Variants in GTF2F1 observed in about 807,000 individuals in gnomAD.
GTF2F1 encodes the protein general transcription factor IIF 74 kDa subunit.
Under a neutral mutation model 63.5 loss-of-function variants are expected in GTF2F1, and 39 were observed. The ratio of observed to expected loss-of-function variants is 0.61; its 90% CI spans 0.48 to 0.80. The LOEUF is 0.80. Ranked by LOEUF, GTF2F1 falls within the 30% of genes least tolerant of loss-of-function variation. The pLI is 0.00. For synonymous variants in GTF2F1, 287 were observed against 285.3 expected, an observed-to-expected ratio of 1.01 and a Z score of -0.06; for missense variants, 657 against 718.3, an observed-to-expected ratio of 0.91 and a Z score of 0.97.
intron 6 of GTF2F1, among the ~76,000 whole-genome samples, chr19:6,382,817 A>G (rs1281337616): frequency 2.6e-5 from 4 of 151,244 alleles, no homozygotes; most frequent in Admixed American, 1.3e-4. Flanking sequence ...AAAAAAAAAA[A>G]AAGAAGGGCC....
In GTF2F1 at chr19:6,381,540, C is replaced by T; in HGVS notation, c.898+14G>A. 6.2e-7 allele frequency: 1 copy of T among 1,612,196 alleles called. No individual in the cohort carries two copies. The highest frequency in any genetic ancestry group is 8.5e-7 in the Non-Finnish European group (1 of 1,179,986). ...ACCGCCCCCATCTCCCCGGCCCGCC[C>T]AGCCATCGCCTACCCTTGGGCCCCT... On this transcript the variant is annotated intron_variant, in intron 8 of 12. Transcript: ENST00000394456. This position sits in a 1 kb window ranked among gnomAD's most constrained non-coding sequence, Gnocchi z 4.1.
In GTF2F1 at chr19:6,380,813, G is replaced by T; in HGVS notation, c.1231+91C>A. ...ATCAGGGAGAGACAGGCCTCCACCCGCATCTCCATCCCCTCTCTGTCCTGA... is the reference window on the plus strand; with the variant it reads ...ATCAGGGAGAGACAGGCCTCCACCCTCATCTCCATCCCCTCTCTGTCCTGA... On this transcript the variant is annotated intron_variant, in intron 11 of 12. Transcript: ENST00000394456. This position sits in a 1 kb window ranked among gnomAD's most constrained non-coding sequence, Gnocchi z 5.3. 1 of 1,493,786 alleles carries T rather than the reference G, an allele frequency of 6.7e-7. No homozygotes were observed. Among genetic ancestry groups the T allele is most frequent in the Non-Finnish European group, 9.0e-7 (1 of 1,111,506 alleles). 92.5% of individuals were successfully genotyped at this position (1,493,786 alleles called of 1,614,324 possible). A position where few individuals can be genotyped will look rare whatever the true frequency, so the allele number is the denominator to read the frequency against.
chr19:6,392,172 TAATTC>T, intron 2 of GTF2F1, 198 bp from the exon 3 acceptor site: 1 of 638,032 alleles, frequency 1.6e-6, no homozygotes, highest in South Asian at 1.5e-5. Context: ...ATTGAATCAT[TAATTC>T]AATTCAATTC....
intron 3 of GTF2F1, among the ~76,000 whole-genome samples, chr19:6,389,895 G>A (rs1260200461): frequency 2.0e-5 from 3 of 152,152 alleles, no homozygotes. Context: ...AGACCACCTG[G>A]TGACCATCAA....
Position 6,392,980 on chromosome 19 carries a change from T to G in GTF2F1, c.12+4A>C. The G allele has an allele frequency of 6.2e-7, 1 of 1,614,040 alleles. No homozygotes were observed. Among genetic ancestry groups the G allele is most frequent in the Non-Finnish European group, 8.5e-7 (1 of 1,180,008 alleles). On this transcript the variant is annotated splice_donor_region_variant and intron_variant, in intron 1 of 12. Coordinates refer to ENST00000394456, the MANE Select transcript of GTF2F1 (RefSeq NM_002096.3). ...CCCCCGAACCCCGCCAAATCCACAC[T>G]CACTAGGGCCGCCATGGGCAATGGT...
Position 6,380,272 on chromosome 19 carries a change from G to C in GTF2F1, c.*9C>G, listed in dbSNP as rs1464191361. The C allele has an allele frequency of 6.2e-7, 1 of 1,611,288 alleles. No homozygotes were observed. Among genetic ancestry groups the C allele is most frequent in the South Asian group, 1.1e-5 (1 of 91,010 alleles). On this transcript the variant is annotated 3_prime_UTR_variant, in exon 13 of 13. Transcript: ENST00000394456. This position sits in a 1 kb window ranked among gnomAD's most constrained non-coding sequence, Gnocchi z 5.3. ...TTCTGGGGGGCAGAGCCATGTATTGGACCAAGCCTCACTCCTTGAGGGAGA... is the reference window on the plus strand; with the variant it reads ...TTCTGGGGGGCAGAGCCATGTATTGCACCAAGCCTCACTCCTTGAGGGAGA...
chr19:6,384,669 C>A (rs1460270448), intron 5 of GTF2F1, among the ~76,000 whole-genome samples: 1 of 152,118 alleles, frequency 6.6e-6, no homozygotes, highest in East Asian at 1.9e-4. Context: ...GTGGCTCAAG[C>A]CTGTCATCCC....
At chr19:6,389,266 CATAAATAA>C (rs61290779) in intron 4 of GTF2F1, among the ~76,000 whole-genome samples, 170 bp downstream of exon 4, 8 of 151,110 alleles carry the variant, frequency 5.3e-5, no homozygotes, top group South Asian at 4.2e-4. Flanking sequence ...AATAAGATAA[CATAAATAA>C]ATAAATAAAT....
At chr19:6,382,529 G>A (rs1008043632) in intron 6 of GTF2F1, among the ~76,000 whole-genome samples, 1 of 151,848 alleles carries the variant, frequency 6.6e-6, no homozygotes, top group African/African-American at 2.4e-5. Flanking sequence ...TACTTGGGAG[G>A]CTGAGGCAGG....
rs73920654 is a variant in GTF2F1 at position 6,388,339 on chromosome 19, A to G, written c.327-780T>C. 4.4e-3 allele frequency among the ~76,000 whole-genome samples: 669 copies of G among 152,172 alleles called. 5 individuals are homozygous for G. The highest frequency in any genetic ancestry group is 0.016 in the African/African-American group (650 of 41,532). On this transcript the variant is annotated intron_variant, in intron 4 of 12. Coordinates refer to ENST00000394456, the MANE Select transcript of GTF2F1 (RefSeq NM_002096.3). Reference sequence around the variant, plus strand: ...TCTACCTCATTCTTTTCTACCCCAAAGTTCCGGACAGTCTGGGTGAGTGCC... The same window carrying G: ...TCTACCTCATTCTTTTCTACCCCAAGGTTCCGGACAGTCTGGGTGAGTGCC...
chr19:6,385,042 G>A (rs560306846), intron 5 of GTF2F1, among the ~76,000 whole-genome samples: 5 of 151,878 alleles, frequency 3.3e-5, no homozygotes, highest in South Asian at 2.1e-4. Context: ...CTTGCGATCC[G>A]CTCTCCACGT....
In GTF2F1 at chr19:6,383,500, G is replaced by C; in HGVS notation, c.498-5C>G. 3.1e-6 allele frequency: 5 copies of C among 1,611,730 alleles called. No individual in the cohort carries two copies. Among genetic ancestry groups the C allele is most frequent in the Non-Finnish European group, 4.2e-6 (5 of 1,178,876 alleles). On this transcript the variant is annotated splice_region_variant and splice_polypyrimidine_tract_variant and intron_variant, in intron 5 of 12. Coordinates refer to ENST00000394456, the MANE Select transcript of GTF2F1 (RefSeq NM_002096.3). The surrounding 1 kb of genome is among the most constrained non-coding windows in gnomAD (Gnocchi z 4.5). ...TGGTTCAGCACCTTGTTCCTCCTGC[G>C]GGCCAGGCACAGGGGGGCTCATGCC...
At chr19:6,387,818 A>C (rs184526062) in intron 4 of GTF2F1, among the ~76,000 whole-genome samples, 1 of 150,912 alleles carries the variant, frequency 6.6e-6, no homozygotes, top group East Asian at 1.9e-4. Flanking sequence ...AGATTATCTC[A>C]GGAGAGCCCA....
chr19:6,386,254 C>T (rs2145078252), intron 5 of GTF2F1, among the ~76,000 whole-genome samples: 1 of 151,210 alleles, frequency 6.6e-6, no homozygotes, highest in South Asian at 2.1e-4. Flanking sequence ...CGTGGTGGTG[C>T]ATGCCTGTAA....
chr19:6,387,229 A>G (rs1327070425), intron 5 of GTF2F1, 160 bp downstream of exon 5: 17 of 648,552 alleles, frequency 2.6e-5, no homozygotes, highest in Middle Eastern at 4.3e-4. Context: ...AAGGCCTCCT[A>G]TCTGTTTCCT....
At chr19:6,387,933 C>T (rs1009928623) in intron 4 of GTF2F1, among the ~76,000 whole-genome samples, 3 of 149,748 alleles carry the variant, frequency 2.0e-5, no homozygotes, top group Admixed American at 2.0e-4. Flanking sequence ...AAGGCATGGC[C>T]AAATTTTTTT....
At chr19:6,391,621 T>C (rs2091998454) in intron 3 of GTF2F1, among the ~76,000 whole-genome samples, 2 of 151,902 alleles carry the variant, frequency 1.3e-5, no homozygotes, top group South Asian at 4.2e-4. Context: ...ACTAACTTTT[T>C]AATTTTTTTG....
intron 4 of GTF2F1, among the ~76,000 whole-genome samples, chr19:6,388,425 C>T (rs1017139130): frequency 6.6e-6 from 1 of 152,240 alleles, no homozygotes; most frequent in Non-Finnish European, 1.5e-5. Context: ...GCACCCACTG[C>T]CCTGTGTGAG....
Position 6,381,837 on chromosome 19 carries a change from G to A in GTF2F1, c.696C>T (p.Pro232=), listed in dbSNP as rs1438156749. 1.2e-6 allele frequency: 2 copies of A among 1,612,454 alleles called. No homozygotes were observed. ...DASGEEGGRV[P]KAKKKAPLAK... ...CCAGCGGCGCCTTCTTCTTGGCCTT[G>A]GGGACTCTGCCCCCTGGGAAGGGAG... Residue 232 remains proline (P), a synonymous_variant, in exon 7 of 13, where the codon CCC becomes CCT. Coordinates refer to ENST00000394456, the MANE Select transcript of GTF2F1 (RefSeq NM_002096.3). This position sits in a 1 kb window ranked among gnomAD's most constrained non-coding sequence, Gnocchi z 4.1.
Sources: allele counts gnomAD v4.1 joint callset (sites outside exome capture counted in the v4.1 genomes callset), GRCh38; gene constraint gnomAD v4.1.1; non-coding constraint Gnocchi (gnomAD v3.1); transcripts MANE v1.5; gene names NCBI Gene and HGNC (gene_info 2026-07-23, HGNC 2026-07-21).